FGF12: variants seen among roughly 807,000 people sequenced by gnomAD.
FGF12 encodes fibroblast growth factor 12.
FGF12 carries 14 observed loss-of-function variants against 23.6 expected under a neutral mutation model. That is an observed-to-expected ratio of 0.59 (90% confidence interval 0.39 to 0.93). FGF12 has a LOEUF of 0.93. Ranked by LOEUF, FGF12 falls within the 40% of genes least tolerant of loss-of-function variation. The pLI is 0.00. For synonymous variants in FGF12, 62 were observed against 77.3 expected, an observed-to-expected ratio of 0.80 and a Z score of 1.04; for missense variants, 175 against 217.8, an observed-to-expected ratio of 0.80 and a Z score of 1.24.
At chr3:192,216,173 C>T (rs1718183399) in intron 4 of FGF12, among the ~76,000 whole-genome samples, 2 of 152,136 alleles carry the variant, frequency 1.3e-5, no homozygotes, top group African/African-American at 4.8e-5. Flanking sequence ...GACAGAAAAA[C>T]ACCATCTCCT....
chr3:192,383,238 C>A (rs1719902098), intron 2 of FGF12, among the ~76,000 whole-genome samples: 1 of 152,174 alleles, frequency 6.6e-6, no homozygotes, highest in Non-Finnish European at 1.5e-5. Flanking sequence ...GAACATACTT[C>A]TCTCCTTGTG....
At chr3:192,541,971 T>TG (rs1455372110) in intron 2 of FGF12, among the ~76,000 whole-genome samples, 1 of 151,830 alleles carries the variant, frequency 6.6e-6, no homozygotes, top group Non-Finnish European at 1.5e-5. Flanking sequence ...TCTTTGACGT[T>TG]GGGGGCCTCA....
At chr3:192,500,328 G>A (rs1414988212) in intron 2 of FGF12, among the ~76,000 whole-genome samples, 27 of 152,168 alleles carry the variant, frequency 1.8e-4, no homozygotes, top group Admixed American at 1.8e-3. Flanking sequence ...TTTAAAAGGT[G>A]AGATGACAAG....
intron 2 of FGF12, among the ~76,000 whole-genome samples, chr3:192,676,970 A>C (rs1396224837): frequency 6.6e-6 from 1 of 152,252 alleles, no homozygotes; most frequent in African/African-American, 2.4e-5. Context: ...TTGTTACAGC[A>C]GCCCTAGAAA....
rs372410185 is a variant in FGF12, at chr3:192,325,281, AC to A, written c.228+10079del. Reference sequence around the variant, plus strand: ...TAGATAATCCTTTTCCAAGTGCTATACCCCCCAATTTTTTTAAAGGAATGTG... The same window carrying A: ...TAGATAATCCTTTTCCAAGTGCTATACCCCCAATTTTTTTAAAGGAATGTG... On this transcript the variant is annotated intron_variant, in intron 4 of 5. Coordinates refer to ENST00000445105, the MANE Select transcript of FGF12 (RefSeq NM_004113.6). Among the ~76,000 whole-genome samples, 33 of 152,152 alleles carry A rather than the reference AC, an allele frequency of 2.2e-4. No homozygotes were observed. In the South Asian group the frequency reaches 5.6e-3, roughly 26 times the overall value.
Position 192,499,300 on chromosome 3 carries a change from T to C in FGF12, c.14-138762A>G, listed in dbSNP as rs529260557. Among the ~76,000 whole-genome samples, 13 of 151,576 alleles carry C rather than the reference T, an allele frequency of 8.6e-5. 1 individual carries two copies. In the East Asian group the frequency reaches 2.3e-3, roughly 27 times the overall value. ...AAGGTCATGCATTGAGTGACCAAAA[T>C]AACTAGATTTCAACCCAGGTCACAA... is the stretch of plus-strand genomic sequence containing the variant. On this transcript the variant is annotated intron_variant, in intron 2 of 5. Transcript: ENST00000445105.
At chr3:192,198,364 C>T (rs545208017) in intron 4 of FGF12, among the ~76,000 whole-genome samples, 59 of 151,862 alleles carry the variant, frequency 3.9e-4, no homozygotes, top group Non-Finnish European at 6.9e-4. Flanking sequence ...ATTTTCTAAC[C>T]TTTAACCTGA....
intron 2 of FGF12, among the ~76,000 whole-genome samples, chr3:192,468,474 T>C (rs1373060737): frequency 6.6e-6 from 1 of 152,218 alleles, no homozygotes; most frequent in East Asian, 1.9e-4. Context: ...TGCAGTATAC[T>C]GATGGGTTAT....
At chr3:192,159,734 A>T (rs1467276952) in intron 5 of FGF12, among the ~76,000 whole-genome samples, 1 of 152,186 alleles carries the variant, frequency 6.6e-6, no homozygotes, top group Non-Finnish European at 1.5e-5. Context: ...TGTCTGAGAC[A>T]TGTTTGTTTG....
At chr3:192,522,935 G>C (rs915681668) in intron 2 of FGF12, among the ~76,000 whole-genome samples, 1 of 152,172 alleles carries the variant, frequency 6.6e-6, no homozygotes. Flanking sequence ...ATCAGTTGTC[G>C]TCTGAGGGAG....
At chr3:192,383,590 T>C (rs1441422174) in intron 2 of FGF12, among the ~76,000 whole-genome samples, 1 of 150,580 alleles carries the variant, frequency 6.6e-6, no homozygotes, top group African/African-American at 2.4e-5. Flanking sequence ...ACACTAATAA[T>C]TGGAAAAGAA....
intron 2 of FGF12, among the ~76,000 whole-genome samples, chr3:192,379,503 A>G (rs1208897127): frequency 6.6e-6 from 1 of 151,434 alleles, no homozygotes; most frequent in Non-Finnish European, 1.5e-5. Flanking sequence ...GGAAAAAAAT[A>G]TATAAAGACA....
At chr3:192,603,219 A>G (rs1187761026) in intron 2 of FGF12, among the ~76,000 whole-genome samples, 3 of 152,202 alleles carry the variant, frequency 2.0e-5, no homozygotes, top group East Asian at 3.9e-4. Flanking sequence ...AAAGGCATCC[A>G]AATAGGAAAA....
intron 2 of FGF12, among the ~76,000 whole-genome samples, chr3:192,472,396 C>T (rs1723200459): frequency 6.6e-6 from 1 of 152,178 alleles, no homozygotes; most frequent in South Asian, 2.1e-4. Context: ...AGTCCAGCTA[C>T]ACCAGTGTAG....
chr3:192,716,071 C>G (rs568367277), intron 2 of FGF12, among the ~76,000 whole-genome samples: 1 of 152,348 alleles, frequency 6.6e-6, no homozygotes, highest in African/African-American at 2.4e-5. Context: ...GCAAGAGAAT[C>G]TTAGACTAGA....
chr3:192,354,148 G>A (rs960605940), intron 3 of FGF12, among the ~76,000 whole-genome samples: 18 of 152,264 alleles, frequency 1.2e-4, no homozygotes, highest in South Asian at 6.2e-4. Flanking sequence ...ATCAGACACA[G>A]AACATTTTGA....
intron 2 of FGF12, among the ~76,000 whole-genome samples, chr3:192,392,460 G>A (rs2108762742): frequency 7.9e-6 from 1 of 126,628 alleles, no homozygotes; most frequent in South Asian, 2.6e-4. Context: ...GCTGGGCATG[G>A]TGGCGCATGC....
intron 2 of FGF12, among the ~76,000 whole-genome samples, chr3:192,617,661 G>A (rs1246926490): frequency 1.3e-5 from 2 of 152,182 alleles, no homozygotes; most frequent in Admixed American, 6.6e-5. Context: ...CAATTCAGTG[G>A]GTCTGAGGTG....
chr3:192,670,268 T>C (rs1054811279), intron 2 of FGF12, among the ~76,000 whole-genome samples: 3 of 152,136 alleles, frequency 2.0e-5, no homozygotes, highest in African/African-American at 7.2e-5. Flanking sequence ...ATAGTTATTT[T>C]AATAAAAATA....
Sources: gnomAD v4.1 joint callset for allele counts (sites outside exome capture counted in the v4.1 genomes callset) on GRCh38, gnomAD v4.1.1 for gene constraint, MANE v1.5 for transcripts, NCBI Gene and HGNC (gene_info 2026-07-23, HGNC 2026-07-21) for gene names.